FSHR: variants seen among roughly 807,000 people sequenced by gnomAD.
FSHR encodes follicle-stimulating hormone receptor.
Under a neutral mutation model 52.1 loss-of-function variants are expected in FSHR, and 46 were observed. The observed-to-expected ratio is 0.88, with a 90% CI of 0.70 to 1.13. FSHR has a LOEUF of 1.13. Among genes scored for constraint, FSHR ranks in the 50% most tolerant of loss-of-function variants. FSHR has a pLI of 0.00. For synonymous variants in FSHR, 399 were observed against 309.6 expected (o/e 1.29, Z -3.03); for missense variants, 964 against 834.6 (o/e 1.16, Z -1.91).
At chr2:48,992,529 C>G (rs1675831484) in intron 4 of FSHR, among the ~76,000 whole-genome samples, 1 of 152,178 alleles carries the variant, frequency 6.6e-6, no homozygotes. Context: ...TTTTCTATCT[C>G]TTCAGTGCCT....
intron 3 of FSHR, 141 bp from the exon 4 acceptor site, chr2:49,017,704 A>G: frequency 1.4e-6 from 1 of 711,966 alleles, no homozygotes; most frequent in African/African-American, 1.8e-5. Flanking sequence ...CCATCCATCC[A>G]TCATTTCAAT....
chr2:49,127,806 T>C lies in FSHR; in HGVS notation c.152+26460A>G, dbSNP rs543904072. On this transcript the variant is annotated intron_variant, in intron 1 of 9. Transcript: ENST00000406846. ...CTTCTTCTTCTTCTTCTTCTTCTTC[T>C]TCTTCTTCTTCTTCTTCTTCTTCCT... 1.0e-3 allele frequency among the ~76,000 whole-genome samples: 62 copies of C among 59,972 alleles called. 1 individual carries two copies. The highest frequency in any genetic ancestry group is 9.4e-3 in the Middle Eastern group (1 of 106). The allele number at this position is 59,972 out of a possible 152,430, so 39.3% of individuals were successfully genotyped here. A position where few individuals can be genotyped will look rare whatever the true frequency, so the allele number is the denominator to read the frequency against.
intron 1 of FSHR, among the ~76,000 whole-genome samples, chr2:49,090,306 G>C (rs1670557185): frequency 6.6e-6 from 1 of 152,128 alleles, no homozygotes; most frequent in African/African-American, 2.4e-5. Flanking sequence ...TGCTAGTAAT[G>C]ACCAATCTGT....
At chr2:49,021,018 A>C (rs949439563) in intron 2 of FSHR, among the ~76,000 whole-genome samples, 2 of 152,182 alleles carry the variant, frequency 1.3e-5, no homozygotes, top group Non-Finnish European at 2.9e-5. Flanking sequence ...ATGGGTTGAT[A>C]GGTGCAGCAA....
In FSHR at chr2:48,963,265, G is replaced by A; in HGVS notation, c.1556C>T (p.Pro519Leu). ...TGACAAAGGGCTGTCAATATCCATG[G>A]GCAGGCAGATGCTCACCTTCATGTA... ...SSYMKVSICL[P>L]MDIDSPLSQL... The change falls in exon 10 of 10, where the codon CCC becomes CTC. Residue 519 changes from proline (P) to leucine (L), a missense_variant. Transcript: ENST00000406846. 6.2e-7 allele frequency: 1 copy of A among 1,614,082 alleles called. No individual in the cohort carries two copies. Among genetic ancestry groups the A allele is most frequent in the Non-Finnish European group, 8.5e-7 (1 of 1,180,008 alleles).
chr2:48,997,561 T>G (rs966202053), intron 4 of FSHR, among the ~76,000 whole-genome samples: 8 of 152,000 alleles, frequency 5.3e-5, no homozygotes, highest in African/African-American at 1.9e-4. Flanking sequence ...CCTTATCATT[T>G]TTTAAGATGT....
At chr2:49,023,815 G>A (rs1667825704) in intron 2 of FSHR, among the ~76,000 whole-genome samples, 1 of 152,148 alleles carries the variant, frequency 6.6e-6, no homozygotes, top group African/African-American at 2.4e-5. Flanking sequence ...TTCCATGTTT[G>A]TATGAAGGAT....
intron 4 of FSHR, among the ~76,000 whole-genome samples, chr2:49,013,670 A>G (rs1667375179): frequency 6.6e-6 from 1 of 151,504 alleles, no homozygotes; most frequent in Admixed American, 6.6e-5. Context: ...AAGCCTTAAG[A>G]TAGACAACTC....
intron 4 of FSHR, among the ~76,000 whole-genome samples, chr2:49,017,103 A>G (rs1219976716): frequency 6.6e-6 from 1 of 152,220 alleles, no homozygotes; most frequent in Non-Finnish European, 1.5e-5. Context: ...GATATTTATC[A>G]AGGGAAAAAT....
intron 4 of FSHR, among the ~76,000 whole-genome samples, 199 bp from the exon 5 acceptor site, chr2:48,990,836 A>G (rs1374878344): frequency 6.6e-6 from 1 of 152,082 alleles, no homozygotes; most frequent in Non-Finnish European, 1.5e-5. Flanking sequence ...TTGATTCCTC[A>G]GAGAAAAGAA....
intron 1 of FSHR, among the ~76,000 whole-genome samples, chr2:49,121,711 C>T (rs759445269): frequency 3.3e-5 from 5 of 152,188 alleles, no homozygotes; most frequent in Admixed American, 6.5e-5. Context: ...GCATAGCAAC[C>T]TTAACTCCAA....
intron 2 of FSHR, among the ~76,000 whole-genome samples, chr2:49,060,986 G>A (rs1669268035): frequency 6.6e-6 from 1 of 152,074 alleles, no homozygotes; most frequent in African/African-American, 2.4e-5. Flanking sequence ...TTTGGCTCAG[G>A]TTCTCAAATT....
chr2:49,087,892 G>T (rs1355904671), intron 1 of FSHR, among the ~76,000 whole-genome samples: 1 of 152,218 alleles, frequency 6.6e-6, no homozygotes, highest in Non-Finnish European at 1.5e-5. Flanking sequence ...TATTGAGAGA[G>T]AGATATGTGT....
chr2:49,041,364 C>T (rs970738978), intron 2 of FSHR, among the ~76,000 whole-genome samples: 9 of 152,132 alleles, frequency 5.9e-5, no homozygotes, highest in African/African-American at 2.2e-4. Flanking sequence ...GACAGCAAGC[C>T]TTTTTGCTTA....
chr2:48,993,938 A>G (rs1350567197), intron 4 of FSHR, among the ~76,000 whole-genome samples: 1 of 152,136 alleles, frequency 6.6e-6, no homozygotes, highest in South Asian at 2.1e-4. Context: ...TTTATTCTCA[A>G]TATAACTGCA....
At chr2:48,991,992 A>C (rs916501511) in intron 4 of FSHR, among the ~76,000 whole-genome samples, 18 of 150,780 alleles carry the variant, frequency 1.2e-4, no homozygotes, top group African/African-American at 4.1e-4. Context: ...AATGCAGTCT[A>C]TGGGTTCTCG....
At chr2:48,981,457 A>T (rs1389033746) in intron 8 of FSHR, among the ~76,000 whole-genome samples, 1 of 152,140 alleles carries the variant, frequency 6.6e-6, no homozygotes, top group Non-Finnish European at 1.5e-5. Context: ...CATTTTTTTT[A>T]GGTGAGGAAA....
intron 2 of FSHR, among the ~76,000 whole-genome samples, chr2:49,043,867 G>A (rs1054101283): frequency 6.6e-6 from 1 of 152,030 alleles, no homozygotes; most frequent in South Asian, 2.1e-4. Context: ...ATTAATATCC[G>A]CCACTCAGAA....
chr2:49,059,093 T>C (rs1669184918), intron 2 of FSHR, among the ~76,000 whole-genome samples: 1 of 152,014 alleles, frequency 6.6e-6, no homozygotes, highest in Non-Finnish European at 1.5e-5. Flanking sequence ...TAGTACTAGC[T>C]ACTTGGGAGG....
Sources: allele counts gnomAD v4.1 joint callset (sites outside exome capture counted in the v4.1 genomes callset), GRCh38; gene constraint gnomAD v4.1.1; transcripts MANE v1.5; gene names NCBI Gene and HGNC (gene_info 2026-07-23, HGNC 2026-07-21).